PHKA2: variants seen among roughly 807,000 people sequenced by gnomAD.
PHKA2 encodes the protein phosphorylase kinase regulatory subunit alpha 2.
PHKA2 carries 31 observed loss-of-function variants against 102.0 expected under a neutral mutation model. That is an observed-to-expected ratio of 0.30 (90% CI 0.23 to 0.41). The LOEUF (loss-of-function observed/expected upper bound fraction) is 0.41. PHKA2 is among the 10% of genes least tolerant of loss of function. The pLI is 1.00. For synonymous variants in PHKA2, 455 were observed against 416.2 expected (o/e 1.09, Z -1.13); for missense variants, 858 against 1,023.1 (o/e 0.84, Z 2.20).
chrX:18,911,718 T>A (rs961075673), intron 19 of PHKA2, among the ~76,000 whole-genome samples: 22 of 112,844 alleles, frequency 1.9e-4, no homozygotes, highest in Middle Eastern at 4.6e-3. Flanking sequence ...TGTAGCCACC[T>A]CATGTGCTAA....
Position 18,897,308 on chromosome X carries a change from G to C in PHKA2, c.3137C>G (p.Thr1046Ser). The change falls in exon 30 of 33, where the codon ACT (threonine) becomes AGT (serine). Residue 1046 changes from threonine (T) to serine (S), a missense_variant. Thr to Ser is a moderately conservative substitution (Grantham distance 58). Around this residue, in one of 2 missense-constraint regions of PHKA2, gnomAD observed 671 missense variants for 745.2 expected, o/e 0.90. Transcript: ENST00000379942. ...TCCCGAGTCTGAGGATGACGTGCCA[G>C]TGGGCGAGGATGGGGTGCTGGACCT... is the stretch of plus-strand genomic sequence containing the variant. ...SARSSTPSSP[T>S]GTSSSDSGGH... is the part of the protein sequence containing the mutation. 8.3e-7 allele frequency: 1 copy of C among 1,210,339 alleles called. No individual in the cohort carries two copies.
intron 19 of PHKA2, among the ~76,000 whole-genome samples, chrX:18,913,383 C>T (rs368024899): frequency 9.0e-6 from 1 of 111,105 alleles, no homozygotes; most frequent in Non-Finnish European, 1.9e-5. Context: ...AAACACAGAT[C>T]GTACAGCTGT....
chrX:18,955,607 T>C lies in PHKA2; in HGVS notation c.79-1195A>G, dbSNP rs141976700. 1.6e-3 allele frequency among the ~76,000 whole-genome samples: 176 copies of C among 111,581 alleles called. 1 individual carries two copies. The highest frequency in any genetic ancestry group is 5.3e-3 in the African/African-American group (163 of 30,692). ...GCCTCTGTTGACATTTCCTGAAAAT[T>C]TGTACATATCTAATAAAATGTATCA... On this transcript the variant is annotated intron_variant, in intron 1 of 32. Transcript: ENST00000379942.
chrX:18,971,408 A>G (rs2049017617), intron 1 of PHKA2, among the ~76,000 whole-genome samples: 1 of 112,387 alleles, frequency 8.9e-6, no homozygotes, highest in Non-Finnish European at 1.9e-5. Flanking sequence ...AGAAATATAT[A>G]AAATTACTAT....
intron 11 of PHKA2, 149 bp from the exon 12 acceptor site, chrX:18,931,897 C>T: frequency 3.8e-6 from 2 of 527,833 alleles, no homozygotes; most frequent in East Asian, 3.6e-5. Context: ...GGAGCAAGCC[C>T]CTTCCTCGGG....
At chrX:18,906,423 T>C in intron 25 of PHKA2, 72 bp downstream of exon 25, 1 of 1,169,785 alleles carries the variant, frequency 8.5e-7, no homozygotes, top group Non-Finnish European at 1.2e-6. Flanking sequence ...GTTCTTCCCC[T>C]GAGAGTGGAG....
At chrX:18,911,245 C>T in intron 19 of PHKA2, among the ~76,000 whole-genome samples, 1 of 107,110 alleles carries the variant, frequency 9.3e-6, no homozygotes, top group East Asian at 2.9e-4. Context: ...GAGATCTTGG[C>T]TCACCGCAAC....
At chrX:18,962,647 ACAGT>A (rs886557131) in intron 1 of PHKA2, among the ~76,000 whole-genome samples, 1 of 111,912 alleles carries the variant, frequency 8.9e-6, no homozygotes, top group Admixed American at 9.5e-5. Context: ...ATCTTATACC[ACAGT>A]CAAACAAACA....
rs199949166 is a variant in PHKA2, at chrX:18,926,549, A to G, written c.1363T>C (p.Leu455=). ...LAENNHIKDL[L]RKHGVNVQSI... ...TGGACGTTCACCCCGTGTTTCCTCA[A>G]TAAGTCCTTAATGTGATTGTTTTCT... Residue 455 remains leucine (L), a synonymous_variant, in exon 14 of 33, where the codon TTG becomes CTG. Transcript: ENST00000379942. The G allele has an allele frequency of 2.3e-4, 277 of 1,205,574 alleles. 1 individual carries two copies. The highest frequency in any genetic ancestry group is 2.2e-4 in the Non-Finnish European group (199 of 890,664).
intron 11 of PHKA2, among the ~76,000 whole-genome samples, chrX:18,935,587 A>T (rs4825281): frequency 0.098 from 10,670 of 108,818 alleles, 501 homozygotes; most frequent in East Asian, 0.2. Flanking sequence ...TCCTTGGGAT[A>T]GACAGGAACA....
chrX:18,901,519 C>T lies in PHKA2; in HGVS notation c.2993G>A (p.Ser998Asn). The part of the protein sequence containing the change: ...GHTGVTKTER[S>N]GINRLRSEMK... ...TTCACTCCTCAGTCTGTTAATGCCACTCCTCTCAGTTTTGGTGACTCCGGT... is the reference window on the plus strand; with the variant it reads ...TTCACTCCTCAGTCTGTTAATGCCATTCCTCTCAGTTTTGGTGACTCCGGT... Residue 998 changes from serine to asparagine, a missense_variant, in exon 27 of 33, where the codon AGT (serine) becomes AAT (asparagine). Physicochemically the swap from Ser to Asn is conservative, Grantham distance 46 (BLOSUM62 1). This residue lies in a region of PHKA2 where 671 missense variants were observed against 745.2 expected (regional missense o/e 0.90). Coordinates refer to ENST00000379942, the MANE Select transcript of PHKA2 (RefSeq NM_000292.3). 1 of 1,201,632 alleles carries T rather than the reference C, an allele frequency of 8.3e-7. No homozygotes were observed. Among genetic ancestry groups the T allele is most frequent in the South Asian group, 1.8e-5 (1 of 56,709 alleles).
chrX:18,942,222 C>CT (rs2048503224), intron 7 of PHKA2, among the ~76,000 whole-genome samples: 1 of 111,848 alleles, frequency 8.9e-6, no homozygotes, highest in Non-Finnish European at 1.9e-5. Context: ...TCTAGGGTTA[C>CT]TTAGAGGCAC....
At chrX:18,894,535 T>C in intron 31 of PHKA2, 131 bp from the exon 32 acceptor site, 2 of 571,989 alleles carry the variant, frequency 3.5e-6, no homozygotes, top group Non-Finnish European at 5.9e-6. Context: ...GCCCCTTTTC[T>C]GGCCACTCCC....
rs367696301 is a variant in PHKA2, at chrX:18,906,483, C to T, written c.2806+12G>A. 3.0e-5 allele frequency: 36 copies of T among 1,210,077 alleles called. No individual in the cohort carries two copies. Among genetic ancestry groups the T allele is most frequent in the Non-Finnish European group, 3.7e-5 (33 of 894,918 alleles). ...GGTGCGGCGGGAGCTGCAGGAGCTG[C>T]GGGCATCTCACCTGAGCAGTTCAGG... On this transcript the variant is annotated intron_variant, in intron 25 of 32. Transcript: ENST00000379942.
intron 1 of PHKA2, among the ~76,000 whole-genome samples, chrX:18,957,331 C>A (rs1264001695): frequency 8.9e-6 from 1 of 111,974 alleles, no homozygotes; most frequent in Non-Finnish European, 1.9e-5. Context: ...CTGAACAGGT[C>A]CATCTCTTTG....
At chrX:18,982,178 G>A (rs747843712) in intron 1 of PHKA2, among the ~76,000 whole-genome samples, 4 of 111,649 alleles carry the variant, frequency 3.6e-5, no homozygotes, top group Admixed American at 9.5e-5. Context: ...CTCCTCTACT[G>A]CTCCCACAAA....
chrX:18,918,733 G>A lies in PHKA2; in HGVS notation c.2085C>T (p.Ser695=), dbSNP rs1480105095. ...CCATCACAGAAAGTATGTCCCGCGT[G>A]GAGTGGATAGCACTGAAGACATGGC... The part of the protein sequence containing the change: ...EDRHVFSAIH[S]TRDILSVMAK... Residue 695 remains serine (S), a synonymous_variant, in exon 19 of 33, where the codon TCC becomes TCT. Coordinates refer to ENST00000379942, the MANE Select transcript of PHKA2 (RefSeq NM_000292.3). 1 of 1,208,693 alleles carries A rather than the reference G, an allele frequency of 8.3e-7. No homozygotes were observed. The highest frequency in any genetic ancestry group is 1.1e-6 in the Non-Finnish European group (1 of 893,767).
intron 28 of PHKA2, among the ~76,000 whole-genome samples, chrX:18,900,114 C>T (rs749651223): frequency 9.0e-6 from 1 of 111,672 alleles, no homozygotes; most frequent in South Asian, 3.8e-4. Flanking sequence ...TGTTTTACCT[C>T]TGGGCAACAT....
intron 4 of PHKA2, among the ~76,000 whole-genome samples, chrX:18,950,410 C>T (rs2048660662): frequency 9.0e-6 from 1 of 111,221 alleles, no homozygotes; most frequent in Non-Finnish European, 1.9e-5. Context: ...TTAGACCAGA[C>T]CTAGGTGGCT....
Sources: gnomAD v4.1 joint callset for allele counts (sites outside exome capture counted in the v4.1 genomes callset) on GRCh38, gnomAD v4.1.1 for gene constraint, gnomAD v4.1.1 regional missense constraint, MANE v1.5 for transcripts, NCBI Gene and HGNC (gene_info 2026-07-23, HGNC 2026-07-21) for gene names.